Variants in RASA1 observed in about 807,000 individuals in gnomAD.
RASA1 encodes the protein RAS p21 protein activator 1.
Under a neutral mutation model 132.2 loss-of-function variants are expected in RASA1, and 25 were observed. That is an observed-to-expected ratio of 0.19 (90% CI 0.14 to 0.26). The LOEUF is 0.26. RASA1 is among the 10% of genes least tolerant of loss of function. The pLI, the probability that RASA1 is intolerant of heterozygous loss-of-function variation, is 1.00. For synonymous variants in RASA1, 477 were observed against 449.9 expected, an observed-to-expected ratio of 1.06 and a Z score of -0.76; for missense variants, 964 against 1,299.2, an observed-to-expected ratio of 0.74 and a Z score of 3.97.
At chr5:87,302,702 C>A (rs1045436514) in intron 1 of RASA1, among the ~76,000 whole-genome samples, 5 of 149,230 alleles carry the variant, frequency 3.4e-5, no homozygotes, top group Non-Finnish European at 5.9e-5. Flanking sequence ...CTTAAAGAAC[C>A]CCAGAATATT....
intron 1 of RASA1, among the ~76,000 whole-genome samples, chr5:87,284,784 A>G (rs1255645828): frequency 6.6e-6 from 1 of 152,168 alleles, no homozygotes; most frequent in East Asian, 1.9e-4. Flanking sequence ...CCCTCACACT[A>G]ACAGGAAATC....
intron 1 of RASA1, among the ~76,000 whole-genome samples, chr5:87,321,280 C>G (rs1375201456): frequency 6.6e-6 from 1 of 152,204 alleles, no homozygotes; most frequent in Non-Finnish European, 1.5e-5. Context: ...ACACAGAGGA[C>G]TTCTGTGTCC....
rs771148834 is a variant in RASA1 at position 87,385,286 on chromosome 5, C to T, written c.2759-15C>T. ...TTGGACTTGGTGTCATTAGCTGTGC[C>T]CAATTCTGTTACAGATTCTCCATCT... On this transcript the variant is annotated splice_polypyrimidine_tract_variant and intron_variant, in intron 21 of 24. Transcript: ENST00000274376. 1.3e-6 allele frequency: 2 copies of T among 1,559,598 alleles called. No homozygotes were observed. Among genetic ancestry groups the T allele is most frequent in the South Asian group, 1.1e-5 (1 of 89,830 alleles).
intron 1 of RASA1, among the ~76,000 whole-genome samples, chr5:87,292,498 G>A (rs531125434): frequency 1.3e-5 from 2 of 150,740 alleles, no homozygotes; most frequent in Non-Finnish European, 3.0e-5. Context: ...GTCTGTTTCT[G>A]GGTTTCCTGT....
chr5:87,268,376 C>T lies in RASA1; in HGVS notation c.-76C>T. ...GAAGGGGAGACGCGTCTGGGTGGGG[C>T]TGCTCGGAGCCCGGGCCTGGTGGCC... is the stretch of plus-strand genomic sequence containing the variant. On this transcript the variant is annotated 5_prime_UTR_variant, in exon 1 of 25. Coordinates refer to ENST00000274376, the MANE Select transcript of RASA1 (RefSeq NM_002890.3). 4.8e-6 allele frequency: 7 copies of T among 1,452,376 alleles called. No individual in the cohort carries two copies. The highest frequency in any genetic ancestry group is 6.4e-6 in the Non-Finnish European group (7 of 1,099,856). 90.0% of individuals were successfully genotyped at this position (1,452,376 alleles called of 1,614,324 possible). A position where few individuals can be genotyped will look rare whatever the true frequency, so the allele number is the denominator to read the frequency against.
chr5:87,271,709 T>A (rs1753849932), intron 1 of RASA1, among the ~76,000 whole-genome samples: 1 of 151,636 alleles, frequency 6.6e-6, no homozygotes, highest in Non-Finnish European at 1.5e-5. Flanking sequence ...TCTCGAACTC[T>A]GACCTCAGGT....
Position 87,374,831 on chromosome 5 carries a change from C to A in RASA1, c.1935-9C>A, listed in dbSNP as rs773095453. 1 of 1,608,448 alleles carries A rather than the reference C, an allele frequency of 6.2e-7. No homozygotes were observed. The highest frequency in any genetic ancestry group is 8.5e-7 in the Non-Finnish European group (1 of 1,177,070). ...ATTTTGTTAATTCTTTTTCTCCTTG[C>A]TCCTTTAGTGATCTTCCTCCTGACA... On this transcript the variant is annotated splice_polypyrimidine_tract_variant and intron_variant, in intron 14 of 24. Coordinates refer to ENST00000274376, the MANE Select transcript of RASA1 (RefSeq NM_002890.3).
chr5:87,313,810 A>G (rs889556102), intron 1 of RASA1, among the ~76,000 whole-genome samples: 4 of 152,246 alleles, frequency 2.6e-5, no homozygotes, highest in Admixed American at 6.5e-5. Flanking sequence ...AGATTTCTGT[A>G]GACAAAGGGA....
In RASA1 at chr5:87,287,185, T is replaced by C. The variant is rs1033923233; in HGVS notation, c.539+18195T>C. 2.6e-4 allele frequency among the ~76,000 whole-genome samples: 37 copies of C among 143,040 alleles called. 1 individual carries two copies. The highest frequency in any genetic ancestry group is 2.1e-4 in the Admixed American group (3 of 14,170). The allele number at this position is 143,040 out of a possible 152,430, so 93.8% of individuals were successfully genotyped here. On this transcript the variant is annotated intron_variant, in intron 1 of 24. Transcript: ENST00000274376. ...TGTATATATACACACCATATATATA[T>C]ACACACCGTATATACACACCATATA...
intron 13 of RASA1, among the ~76,000 whole-genome samples, chr5:87,373,336 T>G (rs1331872972): frequency 1.3e-5 from 2 of 152,088 alleles, no homozygotes; most frequent in African/African-American, 4.8e-5. Context: ...TAGAGATGAT[T>G]TACGGCATAC....
At chr5:87,336,712 A>G (rs1757999738) in intron 4 of RASA1, among the ~76,000 whole-genome samples, 1 of 152,112 alleles carries the variant, frequency 6.6e-6, no homozygotes, top group African/African-American at 2.4e-5. Context: ...GAAATTTACC[A>G]GTTCATGTGC....
intron 1 of RASA1, among the ~76,000 whole-genome samples, chr5:87,278,282 C>T (rs1234740776): frequency 2.0e-5 from 3 of 152,054 alleles, no homozygotes; most frequent in Admixed American, 2.0e-4. Context: ...CGCAGTGGCT[C>T]ACTCCTGTAA....
At chr5:87,329,295 A>AG (rs1376728119) in intron 1 of RASA1, among the ~76,000 whole-genome samples, 1 of 150,328 alleles carries the variant, frequency 6.7e-6, no homozygotes, top group Non-Finnish European at 1.5e-5. Flanking sequence ...AAAAAAAAAA[A>AG]GCTGGATGTG....
intron 11 of RASA1, 43 bp from the exon 12 acceptor site, chr5:87,369,770 C>A (rs781656668): frequency 7.0e-7 from 1 of 1,427,028 alleles, no homozygotes; most frequent in South Asian, 1.2e-5. Flanking sequence ...TATTTTGCTA[C>A]TTTTTATTAA....
intron 1 of RASA1, chr5:87,299,799 G>C (rs1413189276): frequency 6.6e-6 from 1 of 152,138 alleles, no homozygotes; most frequent in East Asian, 1.9e-4. Flanking sequence ...AGTGAGTACT[G>C]TATATGGTTC....
At chr5:87,366,860 C>T (rs1000722769) in intron 11 of RASA1, among the ~76,000 whole-genome samples, 13 of 152,100 alleles carry the variant, frequency 8.5e-5, no homozygotes, top group African/African-American at 2.7e-4. Flanking sequence ...TGGCAAACCC[C>T]GTCTCTTTAA....
chr5:87,346,797 G>T, intron 7 of RASA1, 73 bp downstream of exon 7: 1 of 1,210,044 alleles, frequency 8.3e-7, no homozygotes, highest in East Asian at 2.4e-5. Flanking sequence ...CATTTATCAT[G>T]TGTTTTGCCT....
chr5:87,274,833 G>C (rs1296957548), intron 1 of RASA1, among the ~76,000 whole-genome samples: 1 of 152,188 alleles, frequency 6.6e-6, no homozygotes, highest in Non-Finnish European at 1.5e-5. Flanking sequence ...TTCGCTTAAT[G>C]ATTCTATCAG....
intron 1 of RASA1, among the ~76,000 whole-genome samples, chr5:87,327,242 T>C (rs1005939846): frequency 5.9e-5 from 9 of 152,216 alleles, no homozygotes; most frequent in Admixed American, 1.3e-4. Context: ...AGAGATAAAG[T>C]AATCTGCCTA....
Sources: allele counts gnomAD v4.1 joint callset (sites outside exome capture counted in the v4.1 genomes callset), GRCh38; gene constraint gnomAD v4.1.1; transcripts MANE v1.5; gene names NCBI Gene and HGNC (gene_info 2026-07-23, HGNC 2026-07-21).